Variants in MROH2B observed in about 807,000 individuals in gnomAD.
The protein encoded by MROH2B is maestro heat-like repeat-containing protein family member 2B.
In MROH2B, 177 loss-of-function variants were observed where a neutral mutation model predicts 208.6. The observed-to-expected ratio is 0.85, with a 90% CI of 0.75 to 0.96. The LOEUF is 0.96. Ranked by LOEUF, MROH2B falls within the 40% of genes least tolerant of loss-of-function variation. MROH2B has a pLI of 0.00. For missense variants in MROH2B, 2,002 were observed against 1,878.7 expected, an observed-to-expected ratio of 1.07 and a Z score of -1.21; for synonymous variants, 728 against 659.0, an observed-to-expected ratio of 1.10 and a Z score of -1.60.
In MROH2B at chr5:41,065,477, A is replaced by AT; in HGVS notation, c.214dup (p.Ile72AsnfsTer7). ...CAAAACCTCACCAGCTAGCATTCTG[A>AT]TTTCTCTGAGCATCTGAGGAGGAAA... On this transcript the variant is annotated frameshift_variant, in exon 4 of 42. Coordinates refer to ENST00000399564, the MANE Select transcript of MROH2B (RefSeq NM_173489.5). LOFTEE classifies it high-confidence loss of function. The AT allele has an allele frequency of 6.2e-7, 1 of 1,612,860 alleles. No homozygotes were observed. The highest frequency in any genetic ancestry group is 2.2e-5 in the East Asian group (1 of 44,864).
intron 18 of MROH2B, among the ~76,000 whole-genome samples, chr5:41,042,778 T>C (rs1481982200): frequency 6.6e-6 from 1 of 152,114 alleles, no homozygotes; most frequent in Non-Finnish European, 1.5e-5. Flanking sequence ...TTAATTTTTG[T>C]ATTTTTAGTG....
At chr5:41,029,479 A>G (rs150415529) in intron 24 of MROH2B, among the ~76,000 whole-genome samples, 5 of 152,182 alleles carry the variant, frequency 3.3e-5, no homozygotes, top group Non-Finnish European at 5.9e-5. Context: ...AGTTTGATGT[A>G]GTGTCATTTA....
chr5:41,001,368 A>G (rs1741391361), intron 37 of MROH2B, among the ~76,000 whole-genome samples: 1 of 152,152 alleles, frequency 6.6e-6, no homozygotes, highest in Admixed American at 6.5e-5. Flanking sequence ...AGTATGTGAA[A>G]TTATGGAACT....
intron 27 of MROH2B, 76 bp from the exon 28 acceptor site, chr5:41,018,046 CAA>C: frequency 6.7e-7 from 1 of 1,488,052 alleles, no homozygotes; most frequent in South Asian, 1.4e-5. Context: ...CACTGGATCT[CAA>C]GTCTCTTATT....
chr5:41,001,859 T>G (rs1741409847), intron 37 of MROH2B, among the ~76,000 whole-genome samples: 1 of 152,126 alleles, frequency 6.6e-6, no homozygotes, highest in Non-Finnish European at 1.5e-5. Flanking sequence ...GTTTTTTTAT[T>G]TTTAGACCCA....
Position 41,038,837 on chromosome 5 carries a change from A to G in MROH2B, c.2113T>C (p.Tyr705His), listed in dbSNP as rs577247575. The G allele has an allele frequency of 3.7e-6, 6 of 1,613,698 alleles. No individual in the cohort carries two copies. The highest frequency in any genetic ancestry group is 5.1e-6 in the Non-Finnish European group (6 of 1,179,736). The change falls in exon 21 of 42, where the codon TAT (tyrosine) becomes CAT (histidine). Residue 705 changes from tyrosine (Y) to histidine (H), a missense_variant. Physicochemically the swap from Tyr to His is moderately conservative, Grantham distance 83. Coordinates refer to ENST00000399564, the MANE Select transcript of MROH2B (RefSeq NM_173489.5). ...GGAGCATGGAGGGCCACTGCTCCAT[A>G]GATGACCATGACATCTGTCTTGGTC... is the stretch of plus-strand genomic sequence containing the variant. The part of the protein sequence containing the change: ...SLTKTDVMVI[Y>H]GAVALHAPKK...
At chr5:41,027,689 T>C (rs1742420963) in intron 24 of MROH2B, among the ~76,000 whole-genome samples, 1 of 152,178 alleles carries the variant, frequency 6.6e-6, no homozygotes, top group Admixed American at 6.5e-5. Context: ...CATTACTGGG[T>C]ATATACCCAA....
At chr5:41,033,763 G>T in intron 22 of MROH2B, 75 bp downstream of exon 22, 1 of 1,193,870 alleles carries the variant, frequency 8.4e-7, no homozygotes, top group Non-Finnish European at 1.2e-6. Flanking sequence ...TCTTTGCTTG[G>T]CACACTTCAG....
At chr5:41,046,422 G>C (rs940937215) in intron 17 of MROH2B, among the ~76,000 whole-genome samples, 2 of 151,080 alleles carry the variant, frequency 1.3e-5, no homozygotes, top group African/African-American at 4.9e-5. Flanking sequence ...CTTCTTCTTT[G>C]AACAATACAT....
chr5:41,059,998 A>G (rs1227306780), intron 6 of MROH2B, among the ~76,000 whole-genome samples: 2 of 152,222 alleles, frequency 1.3e-5, no homozygotes, highest in Admixed American at 6.5e-5. Flanking sequence ...TAGGTGTTCA[A>G]ATCAAAATGT....
chr5:41,034,345 T>A (rs1742682763), intron 21 of MROH2B, among the ~76,000 whole-genome samples: 1 of 152,126 alleles, frequency 6.6e-6, no homozygotes, highest in Non-Finnish European at 1.5e-5. Context: ...GAGAATACTT[T>A]TAGTACATGC....
chr5:41,041,355 G>A (rs192163040), intron 19 of MROH2B, among the ~76,000 whole-genome samples: 244 of 152,040 alleles, frequency 1.6e-3, no homozygotes, highest in African/African-American at 5.4e-3. Flanking sequence ...AGCGGGGTGC[G>A]GTGGCTCACA....
Position 41,052,688 on chromosome 5 carries a change from A to G in MROH2B, c.1108-101T>C, listed in dbSNP as rs1743322540. 3.4e-6 allele frequency: 4 copies of G among 1,166,224 alleles called. No homozygotes were observed. In the East Asian group the frequency reaches 1.1e-4, roughly 32 times the overall value. 72.2% of individuals were successfully genotyped at this position (1,166,224 alleles called of 1,614,324 possible). A position where few individuals can be genotyped will look rare whatever the true frequency, so the allele number is the denominator to read the frequency against. On this transcript the variant is annotated intron_variant, in intron 11 of 41. Transcript: ENST00000399564. Reference sequence around the variant, plus strand: ...ATCTTAAGGATAATTAAGTGGGAACATTTTTGAAAAAGGAACATAAATTGA... The same window carrying G: ...ATCTTAAGGATAATTAAGTGGGAACGTTTTTGAAAAAGGAACATAAATTGA...
At chr5:41,051,402 T>G (rs6878907) in intron 12 of MROH2B, 5,909 of 197,430 alleles carry the variant, frequency 0.03, 358 homozygotes, top group African/African-American at 0.13. Flanking sequence ...CAAAGCATGC[T>G]TCTTTGTGGA....
chr5:41,000,740 T>C lies in MROH2B; in HGVS notation c.4288A>G (p.Ile1430Val). 1 of 1,611,984 alleles carries C rather than the reference T, an allele frequency of 6.2e-7. No individual in the cohort carries two copies. Among genetic ancestry groups the C allele is most frequent in the South Asian group, 1.1e-5 (1 of 90,440 alleles). Residue 1430 changes from isoleucine to valine, a missense_variant, in exon 38 of 42, where the codon ATA (isoleucine) becomes GTA (valine). Coordinates refer to ENST00000399564, the MANE Select transcript of MROH2B (RefSeq NM_173489.5). ...RRWKIFFAEE[I>V]KKSLISFLLH... ...AGGAATGAAATCAGGCTCTTTTTTA[T>C]TTCTTCAGCAAAAAAAATCTTCCAC...
chr5:41,012,058 A>G lies in MROH2B; in HGVS notation c.3135+525T>C, dbSNP rs112061085. ...AGAGGCATTTCCATTTGGAGCTCTT[A>G]ACCAAGCTTCCTGAATTTAAATCCT... is the stretch of plus-strand genomic sequence containing the variant. On this transcript the variant is annotated intron_variant, in intron 30 of 41. Transcript: ENST00000399564. Among the ~76,000 whole-genome samples, 334 of 152,326 alleles carry G rather than the reference A, an allele frequency of 2.2e-3. 1 individual carries two copies. Among genetic ancestry groups the G allele is most frequent in the African/African-American group, 7.5e-3 (311 of 41,564 alleles).
rs70988830 is a variant in MROH2B, at chr5:41,033,829, C to CTATCTATCTATCTTATT, written c.2241+8_2241+9insAATAAGATAGATAGATA. ...TCTATCTATCTATCTATCTATCTATCTCTCCTACCTTGTTCATCACAGACA... is the reference window on the plus strand; with the variant it reads ...TCTATCTATCTATCTATCTATCTATCTATCTATCTATCTTATTTCTCCTACCTTGTTCATCACAGACA... On this transcript the variant is annotated intron_variant, in intron 22 of 41. Coordinates refer to ENST00000399564, the MANE Select transcript of MROH2B (RefSeq NM_173489.5). 9.8e-6 allele frequency: 13 copies of CTATCTATCTATCTTATT among 1,324,896 alleles called. No homozygotes were observed. In the Admixed American group the frequency reaches 1.1e-4, roughly 11 times the overall value. 82.1% of individuals were successfully genotyped at this position (1,324,896 alleles called of 1,614,324 possible).
intron 3 of MROH2B, 128 bp from the exon 4 acceptor site, chr5:41,065,618 A>G: frequency 1.3e-6 from 1 of 769,152 alleles, no homozygotes; most frequent in Non-Finnish European, 2.0e-6. Context: ...TTCAGGGGGT[A>G]CATGTGCAGG....
chr5:41,027,143 C>A (rs1742393173), intron 24 of MROH2B, among the ~76,000 whole-genome samples: 1 of 152,164 alleles, frequency 6.6e-6, no homozygotes, highest in Admixed American at 6.5e-5. Context: ...GACTTCATGT[C>A]TAAAACACCA....
Sources: allele counts gnomAD v4.1 joint callset (sites outside exome capture counted in the v4.1 genomes callset), GRCh38; gene constraint gnomAD v4.1.1; transcripts MANE v1.5; gene names NCBI Gene and HGNC (gene_info 2026-07-23, HGNC 2026-07-21).